The following TPST1 variants were observed in gnomAD, a reference collection of about 807,000 sequenced individuals.
TPST1 encodes protein-tyrosine sulfotransferase 1.
Under a neutral mutation model 34.8 loss-of-function variants are expected in TPST1, and 20 were observed. The observed-to-expected ratio is 0.57, with a 90% CI of 0.40 to 0.84. The LOEUF (loss-of-function observed/expected upper bound fraction) is 0.84, where lower values mean the gene tolerates loss of function less well. Ranked by LOEUF, TPST1 falls within the 40% of genes least tolerant of loss-of-function variation. The pLI is 0.00. For synonymous variants in TPST1, 152 were observed against 159.4 expected (o/e 0.95, Z 0.35); for missense variants, 353 against 455.5 (o/e 0.78, Z 2.05).
rs889793864 is a variant in TPST1 at position 66,280,462 on chromosome 7, T to C, written c.846-6049T>C. Among the ~76,000 whole-genome samples the C allele has an allele frequency of 4.6e-5, 7 of 152,212 alleles. 1 individual carries two copies. The highest frequency in any genetic ancestry group is 1.7e-4 in the African/African-American group (7 of 41,456). ...GTATGGAAATGCTATTTTTGTACAATGATTTTGTATCCTGAAACTTTACTG... is the reference window on the plus strand; with the variant it reads ...GTATGGAAATGCTATTTTTGTACAACGATTTTGTATCCTGAAACTTTACTG... On this transcript the variant is annotated intron_variant, in intron 2 of 5. Coordinates refer to ENST00000304842, the MANE Select transcript of TPST1 (RefSeq NM_003596.4).
chr7:66,333,042 A>G (rs888492999), intron 3 of TPST1, among the ~76,000 whole-genome samples: 3 of 152,190 alleles, frequency 2.0e-5, no homozygotes, highest in Non-Finnish European at 4.4e-5. Flanking sequence ...TGCTCACTTT[A>G]GCCAATGCTC....
chr7:66,312,392 A>G (rs187476545), intron 3 of TPST1, among the ~76,000 whole-genome samples: 18 of 152,348 alleles, frequency 1.2e-4, no homozygotes, highest in Admixed American at 1.1e-3. Context: ...TCTGAACAGT[A>G]ATGTTTAACT....
rs192816641 is a variant in TPST1, at chr7:66,270,000, A to C, written c.846-16511A>C. 2.7e-3 allele frequency among the ~76,000 whole-genome samples: 405 copies of C among 152,318 alleles called. 3 individuals are homozygous for C. The highest frequency in any genetic ancestry group is 4.6e-3 in the Non-Finnish European group (313 of 68,022). On this transcript the variant is annotated intron_variant, in intron 2 of 5. Coordinates refer to ENST00000304842, the MANE Select transcript of TPST1 (RefSeq NM_003596.4). ...TAGTGGAAAAAAGGAAAAACAGAGG[A>C]AAGTAAAGGGGACCAGGGCCCAGAG...
chr7:66,231,485 C>T (rs1460345977), intron 1 of TPST1, among the ~76,000 whole-genome samples: 1 of 152,250 alleles, frequency 6.6e-6, no homozygotes, highest in African/African-American at 2.4e-5. Flanking sequence ...TGGCGGGCTG[C>T]AGGTCCTGAG....
At chr7:66,267,527 C>A (rs1328274408) in intron 2 of TPST1, among the ~76,000 whole-genome samples, 1 of 151,802 alleles carries the variant, frequency 6.6e-6, no homozygotes, top group East Asian at 1.9e-4. Flanking sequence ...GAGAATAAAA[C>A]AACCAGAGAC....
At chr7:66,309,532 G>C (rs1391894692) in intron 3 of TPST1, among the ~76,000 whole-genome samples, 3 of 152,140 alleles carry the variant, frequency 2.0e-5, no homozygotes, top group Admixed American at 6.5e-5. Flanking sequence ...GTTGGTTCAG[G>C]AGTAGGAACC....
At chr7:66,351,649 G>T (rs1792480740) in intron 3 of TPST1, among the ~76,000 whole-genome samples, 2 of 146,240 alleles carry the variant, frequency 1.4e-5, no homozygotes, top group South Asian at 2.1e-4. Flanking sequence ...TTACAATCAA[G>T]TTGAAATTAC....
chr7:66,334,993 G>C (rs956685715), intron 3 of TPST1, among the ~76,000 whole-genome samples: 2 of 152,152 alleles, frequency 1.3e-5, no homozygotes, highest in African/African-American at 4.8e-5. Flanking sequence ...ACTAGTATAT[G>C]GATCTTGCAG....
intron 2 of TPST1, among the ~76,000 whole-genome samples, chr7:66,248,262 C>CT (rs1419237516): frequency 1.3e-5 from 2 of 151,922 alleles, no homozygotes; most frequent in African/African-American, 4.8e-5. Flanking sequence ...GTGGAGCACC[C>CT]TTTTTTTCAA....
At chr7:66,233,489 C>G (rs1465256235) in intron 1 of TPST1, among the ~76,000 whole-genome samples, 1 of 152,154 alleles carries the variant, frequency 6.6e-6, no homozygotes, top group Non-Finnish European at 1.5e-5. Flanking sequence ...TCTTGGCACC[C>G]TTGTCAAAAA....
At chr7:66,205,050 G>T (rs995340592), upstream of TPST1, 42 of 152,404 alleles carry the variant, frequency 2.8e-4, no homozygotes, top group African/African-American at 1.0e-3. The surrounding 1 kb of genome is among the most constrained non-coding windows in gnomAD (Gnocchi z 5.0). Flanking sequence ...GCGCGCTGTT[G>T]CTAGGGCAAC....
chr7:66,295,107 G>A (rs1320292783), intron 3 of TPST1, among the ~76,000 whole-genome samples: 2 of 151,242 alleles, frequency 1.3e-5, no homozygotes, highest in African/African-American at 2.4e-5. Context: ...CTCAATTTTA[G>A]GATTTTTTTT....
intron 1 of TPST1, among the ~76,000 whole-genome samples, chr7:66,230,750 A>G (rs919178209): frequency 2.0e-5 from 3 of 152,298 alleles, no homozygotes; most frequent in African/African-American, 7.2e-5. Context: ...GCGGGTTGCC[A>G]CTGCTGGCTT....
At chr7:66,214,049 C>T (rs1329040652) in intron 1 of TPST1, among the ~76,000 whole-genome samples, 1 of 152,134 alleles carries the variant, frequency 6.6e-6, no homozygotes, top group East Asian at 1.9e-4. Flanking sequence ...CATGTTCAAC[C>T]ATTTAAAGTG....
intron 2 of TPST1, among the ~76,000 whole-genome samples, chr7:66,277,823 G>C (rs1790848690): frequency 6.6e-6 from 1 of 152,092 alleles, no homozygotes; most frequent in African/African-American, 2.4e-5. Context: ...TAGAAATGTA[G>C]AGGAAGAAGT....
chr7:66,217,577 CATTT>C (rs763646472), intron 1 of TPST1, among the ~76,000 whole-genome samples: 72 of 152,044 alleles, frequency 4.7e-4, no homozygotes, highest in South Asian at 6.2e-4. Context: ...TCTAACACAT[CATTT>C]ATTTATTTAT....
chr7:66,273,258 A>G (rs1003664574), intron 2 of TPST1, among the ~76,000 whole-genome samples: 1 of 152,230 alleles, frequency 6.6e-6, no homozygotes, highest in African/African-American at 2.4e-5. Context: ...ACTAAGAACT[A>G]TAAAACACTG....
At chr7:66,347,143 T>C (rs1311835024) in intron 3 of TPST1, among the ~76,000 whole-genome samples, 1 of 138,508 alleles carries the variant, frequency 7.2e-6, no homozygotes, top group African/African-American at 2.7e-5. Context: ...TCACAACTCA[T>C]TGCAACCTCC....
intron 1 of TPST1, among the ~76,000 whole-genome samples, chr7:66,215,330 T>C (rs888822362): frequency 2.0e-5 from 3 of 150,570 alleles, no homozygotes; most frequent in African/African-American, 4.9e-5. Context: ...AGTGTTAGGA[T>C]TACAGGTGTG....
Sources: allele counts gnomAD v4.1 joint callset (sites outside exome capture counted in the v4.1 genomes callset), GRCh38; gene constraint gnomAD v4.1.1; non-coding constraint Gnocchi (gnomAD v3.1); transcripts MANE v1.5; gene names NCBI Gene and HGNC (gene_info 2026-07-23, HGNC 2026-07-21).